GPC5: variants seen among roughly 807,000 people sequenced by gnomAD.
GPC5 encodes the protein glypican-5.
A neutral mutation model predicts 53.9 loss-of-function variants in GPC5; 47 were observed. The ratio of observed to expected loss-of-function variants is 0.87; its 90% CI spans 0.69 to 1.11. The LOEUF is 1.11. GPC5 is among the 50% of genes most tolerant of loss of function. The pLI is 0.00. For missense variants in GPC5, 748 were observed against 713.1 expected (o/e 1.05, Z -0.56); for synonymous variants, 286 against 263.3 (o/e 1.09, Z -0.84).
intron 7 of GPC5, among the ~76,000 whole-genome samples, chr13:92,693,952 C>T (rs1407852506): frequency 6.6e-6 from 1 of 152,170 alleles, no homozygotes; most frequent in Non-Finnish European, 1.5e-5. Context: ...GGCCCAGGGC[C>T]CTGCTACTCT....
At chr13:92,060,780 G>T (rs1356737849) in intron 6 of GPC5, among the ~76,000 whole-genome samples, 1 of 11,118 alleles carries the variant, frequency 9.0e-5, no homozygotes, top group Non-Finnish European at 2.3e-3. Context: ...TTTGAAAAAG[G>T]AATTACAATT....
intron 7 of GPC5, among the ~76,000 whole-genome samples, chr13:92,838,014 G>C (rs2138829235): frequency 6.6e-6 from 1 of 151,956 alleles, no homozygotes; most frequent in African/African-American, 2.4e-5. Flanking sequence ...ACAACTGCTG[G>C]AACCTGGAAG....
intron 7 of GPC5, among the ~76,000 whole-genome samples, chr13:92,285,510 C>G (rs1276457074): frequency 2.0e-5 from 3 of 151,924 alleles, no homozygotes; most frequent in Admixed American, 6.5e-5. Context: ...GCTACAGTAA[C>G]CAAAACAGCA....
intron 2 of GPC5, among the ~76,000 whole-genome samples, chr13:91,680,640 C>T (rs756162470): frequency 2.6e-5 from 4 of 152,098 alleles, no homozygotes; most frequent in Non-Finnish European, 5.9e-5. Flanking sequence ...AACAATCCAT[C>T]GTCATGTTTT....
intron 2 of GPC5, among the ~76,000 whole-genome samples, chr13:91,690,915 T>A (rs1026491711): frequency 6.6e-6 from 1 of 152,250 alleles, no homozygotes; most frequent in Non-Finnish European, 1.5e-5. Flanking sequence ...CCTTATTTTA[T>A]CTTTAACAAA....
rs9560835 is a variant in GPC5 at position 91,630,998 on chromosome 13, C to T, written c.326-62189C>T. Among the ~76,000 whole-genome samples the T allele has an allele frequency of 4.2e-3, 641 of 152,184 alleles. 30 individuals are homozygous for T. In the East Asian group the frequency reaches 0.11, roughly 26 times the overall value. ...GCTTACATCTTTTTGTCCCTCTCTG[C>T]CTGATTCTTCTGTCTAACTCATTTA... On this transcript the variant is annotated intron_variant, in intron 2 of 7. Coordinates refer to ENST00000377067, the MANE Select transcript of GPC5 (RefSeq NM_004466.6).
intron 5 of GPC5, among the ~76,000 whole-genome samples, chr13:91,903,828 T>C (rs946496390): frequency 1.3e-5 from 2 of 152,226 alleles, no homozygotes; most frequent in Admixed American, 6.5e-5. Flanking sequence ...AACCAAAAGG[T>C]AAGCAGGTAA....
intron 5 of GPC5, among the ~76,000 whole-genome samples, chr13:91,813,996 G>A (rs2038359703): frequency 7.7e-6 from 1 of 129,274 alleles, no homozygotes; most frequent in African/African-American, 3.0e-5. Flanking sequence ...GCAGTGGCGT[G>A]ATCTCGGCTC....
chr13:92,525,703 C>A (rs1480118655), intron 7 of GPC5, among the ~76,000 whole-genome samples: 3 of 151,936 alleles, frequency 2.0e-5, no homozygotes, highest in Admixed American at 1.3e-4. Context: ...TTGATGCGAT[C>A]TTTTCTCTTC....
intron 6 of GPC5, among the ~76,000 whole-genome samples, chr13:91,985,240 G>T (rs1279738194): frequency 6.6e-6 from 1 of 152,104 alleles, no homozygotes; most frequent in East Asian, 1.9e-4. Flanking sequence ...TTGCCTTAAA[G>T]TCGGCTTTGA....
Position 91,673,400 on chromosome 13 carries a change from T to G in GPC5, c.326-19787T>G, listed in dbSNP as rs143692883. On this transcript the variant is annotated intron_variant, in intron 2 of 7. Transcript: ENST00000377067. ...TTATTTTGTGACTGATTATCTTTTCTGAACATCTATACTAACCATCGATGA... is the reference window on the plus strand; with the variant it reads ...TTATTTTGTGACTGATTATCTTTTCGGAACATCTATACTAACCATCGATGA... Among the ~76,000 whole-genome samples the G allele has an allele frequency of 3.6e-3, 543 of 152,336 alleles. 1 individual carries two copies. The highest frequency in any genetic ancestry group is 0.013 in the African/African-American group (527 of 41,586).
At chr13:91,422,604 C>T (rs1364671699) in intron 1 of GPC5, among the ~76,000 whole-genome samples, 1 of 151,966 alleles carries the variant, frequency 6.6e-6, no homozygotes, top group Non-Finnish European at 1.5e-5. Flanking sequence ...CCATTGCATT[C>T]CAGCCTGGGC....
intron 2 of GPC5, among the ~76,000 whole-genome samples, chr13:91,575,754 A>G (rs990954631): frequency 6.6e-6 from 1 of 152,158 alleles, no homozygotes; most frequent in African/African-American, 2.4e-5. Context: ...GAGAAAATTG[A>G]GTCTTTTTCC....
intron 7 of GPC5, among the ~76,000 whole-genome samples, chr13:92,809,407 A>G (rs1388463790): frequency 1.3e-5 from 2 of 152,128 alleles, no homozygotes; most frequent in Non-Finnish European, 1.5e-5. Context: ...TGACTTCACA[A>G]TTCAGTGAGG....
intron 7 of GPC5, among the ~76,000 whole-genome samples, chr13:92,787,631 G>C (rs2138769785): frequency 7.6e-6 from 1 of 131,090 alleles, no homozygotes; most frequent in Admixed American, 8.6e-5. Context: ...TCAGGAGTTT[G>C]AGACCAGTCT....
intron 7 of GPC5, among the ~76,000 whole-genome samples, chr13:92,261,576 C>T (rs941739075): frequency 1.3e-5 from 2 of 151,888 alleles, no homozygotes; most frequent in African/African-American, 4.8e-5. Context: ...TTTCTGCCAG[C>T]TTTAAAGAAA....
At chr13:92,396,212 C>T (rs1199569155) in intron 7 of GPC5, among the ~76,000 whole-genome samples, 1 of 152,086 alleles carries the variant, frequency 6.6e-6, no homozygotes, top group Non-Finnish European at 1.5e-5. Context: ...TTTCTACTGA[C>T]TTATGGCAAG....
At chr13:92,613,347 TA>T (rs1884514301) in intron 7 of GPC5, among the ~76,000 whole-genome samples, 1 of 102,366 alleles carries the variant, frequency 9.8e-6, no homozygotes, top group Non-Finnish European at 1.8e-5. Flanking sequence ...TATATTTATA[TA>T]TAAATATATA....
At chr13:92,399,278 A>G (rs1298787102) in intron 7 of GPC5, among the ~76,000 whole-genome samples, 2 of 152,212 alleles carry the variant, frequency 1.3e-5, no homozygotes, top group Non-Finnish European at 2.9e-5. Context: ...AGACCCTTAA[A>G]ATAATTAAAA....
Sources: gnomAD v4.1 joint callset for allele counts (sites outside exome capture counted in the v4.1 genomes callset) on GRCh38, gnomAD v4.1.1 for gene constraint, MANE v1.5 for transcripts, NCBI Gene and HGNC (gene_info 2026-07-23, HGNC 2026-07-21) for gene names.